The following MAGI2 variants were observed in gnomAD, a reference collection of about 807,000 sequenced individuals.
MAGI2 encodes the protein membrane associated guanylate kinase, WW and PDZ domain containing 2, also known as membrane-associated guanylate kinase, WW and PDZ domain-containing protein 2.
A neutral mutation model predicts 133.3 loss-of-function variants in MAGI2; 35 were observed. The ratio of observed to expected loss-of-function variants is 0.26; its 90% CI spans 0.20 to 0.35. The LOEUF (loss-of-function observed/expected upper bound fraction) is 0.35, where lower values mean the gene tolerates loss of function less well. Ranked by LOEUF, MAGI2 falls within the 10% of genes least tolerant of loss-of-function variation. The pLI is 1.00. For synonymous variants in MAGI2, 729 were observed against 710.6 expected (o/e 1.03, Z -0.41); for missense variants, 1,636 against 1,863.4 (o/e 0.88, Z 2.25).
intron 1 of MAGI2, among the ~76,000 whole-genome samples, chr7:79,021,760 A>G (rs1258196815): frequency 6.6e-6 from 1 of 152,004 alleles, no homozygotes; most frequent in African/African-American, 2.4e-5. Flanking sequence ...ATTTTGGGGG[A>G]CTGTTGGAAG....
chr7:78,403,156 C>G (rs573298973), intron 6 of MAGI2, among the ~76,000 whole-genome samples: 4 of 152,142 alleles, frequency 2.6e-5, no homozygotes, highest in Admixed American at 1.3e-4. Flanking sequence ...CTCCCTCCCC[C>G]CATCCCATGA....
At chr7:79,081,601 A>G (rs1009108934) in intron 1 of MAGI2, among the ~76,000 whole-genome samples, 8 of 152,172 alleles carry the variant, frequency 5.3e-5, no homozygotes, top group Admixed American at 3.9e-4. Flanking sequence ...TTGCTAGTCT[A>G]TGTTAACTAA....
rs1356490241 is a variant in MAGI2 at position 78,256,339 on chromosome 7, T to C, written c.1651A>G (p.Ile551Val). The change falls in exon 10 of 22, where the codon ATT (isoleucine) becomes GTT (valine). Residue 551 changes from isoleucine (I) to valine (V), a missense_variant. Physicochemically the swap from Ile to Val is conservative, Grantham distance 29. Transcript: ENST00000354212. ...GGAACTGACTGTGAGGTCCGAGAAATGTACTCCAAATATGTTTCATAGTTG... is the reference window on the plus strand; with the variant it reads ...GGAACTGACTGTGAGGTCCGAGAAACGTACTCCAAATATGTTTCATAGTTG... The part of the protein sequence containing the change: ...RHNYETYLEY[I>V]SRTSQSVPDI... The C allele has an allele frequency of 6.2e-7, 1 of 1,613,998 alleles. No individual in the cohort carries two copies.
At chr7:79,298,609 A>C (rs1837132262) in intron 1 of MAGI2, among the ~76,000 whole-genome samples, 3 of 152,170 alleles carry the variant, frequency 2.0e-5, no homozygotes, top group Admixed American at 1.3e-4. Context: ...AACTGAGTTA[A>C]GAGTTAGGGC....
rs7791941 is a variant in MAGI2 at position 78,161,144 on chromosome 7, T to C, written c.2597-871A>G. ...TTTCCATTTTTACAGTCCATCTTAA[T>C]ATAAAATACACCCTATTATCAACCA... On this transcript the variant is annotated intron_variant, in intron 15 of 21. Coordinates refer to ENST00000354212, the MANE Select transcript of MAGI2 (RefSeq NM_012301.4). Among the ~76,000 whole-genome samples, 156 of 152,282 alleles carry C rather than the reference T, an allele frequency of 1.0e-3. 1 individual carries two copies. The highest frequency in any genetic ancestry group is 3.6e-3 in the African/African-American group (151 of 41,554).
intron 1 of MAGI2, among the ~76,000 whole-genome samples, chr7:79,287,043 G>A (rs1312641942): frequency 2.0e-5 from 3 of 151,964 alleles, no homozygotes; most frequent in African/African-American, 7.2e-5. Context: ...CCTTAATCAT[G>A]GCTGGCAGAA....
chr7:78,809,214 A>G (rs73369408), intron 2 of MAGI2, among the ~76,000 whole-genome samples: 6,023 of 152,266 alleles, frequency 0.04, 296 homozygotes, highest in African/African-American at 0.11. Context: ...TACAGTTCAT[A>G]CAAACTATAC....
chr7:78,143,078 A>G (rs1290237889), intron 16 of MAGI2, among the ~76,000 whole-genome samples: 1 of 152,226 alleles, frequency 6.6e-6, no homozygotes, highest in African/African-American at 2.4e-5. Context: ...CCATTGCCCA[A>G]TAAAACCAGC....
At chr7:78,240,976 C>T (rs1029330517) in intron 10 of MAGI2, among the ~76,000 whole-genome samples, 7 of 152,000 alleles carry the variant, frequency 4.6e-5, no homozygotes, top group Non-Finnish European at 8.8e-5. Context: ...CTTTGTCTGA[C>T]CCTGTTTCTC....
At chr7:79,049,872 C>T (rs1812514250) in intron 1 of MAGI2, among the ~76,000 whole-genome samples, 1 of 151,910 alleles carries the variant, frequency 6.6e-6, no homozygotes, top group African/African-American at 2.4e-5. Context: ...ATTCCTTACT[C>T]ATATTTTACT....
chr7:78,458,667 C>T (rs1390572741), intron 6 of MAGI2, among the ~76,000 whole-genome samples: 2 of 148,872 alleles, frequency 1.3e-5, no homozygotes, highest in African/African-American at 5.0e-5. Flanking sequence ...CAGAGTCTCA[C>T]TCTGTTACCC....
At chr7:78,108,166 A>T (rs1818889235) in intron 20 of MAGI2, among the ~76,000 whole-genome samples, 1 of 151,954 alleles carries the variant, frequency 6.6e-6, no homozygotes, top group South Asian at 2.1e-4. Flanking sequence ...GTTTTAGAAT[A>T]CTGTGTTTCC....
chr7:78,063,261 A>C (rs917532745), intron 21 of MAGI2, among the ~76,000 whole-genome samples: 3 of 151,076 alleles, frequency 2.0e-5, no homozygotes, highest in African/African-American at 7.3e-5. Context: ...TTTTCTTTTG[A>C]GACAGGGTCC....
At chr7:78,547,294 G>A (rs1290200499) in intron 3 of MAGI2, among the ~76,000 whole-genome samples, 1 of 152,230 alleles carries the variant, frequency 6.6e-6, no homozygotes, top group African/African-American at 2.4e-5. Flanking sequence ...GATTCAGTGA[G>A]AGACAGCATT....
At chr7:78,533,659 T>C (rs756145541) in intron 3 of MAGI2, among the ~76,000 whole-genome samples, 11 of 152,168 alleles carry the variant, frequency 7.2e-5, no homozygotes, top group Non-Finnish European at 1.2e-4. Context: ...TAAATATAAA[T>C]TGCACACTAG....
intron 1 of MAGI2, among the ~76,000 whole-genome samples, chr7:79,165,941 T>C (rs549341454): frequency 2.6e-5 from 4 of 152,236 alleles, no homozygotes; most frequent in East Asian, 3.9e-4. Flanking sequence ...AACTCATTGT[T>C]TGACCAAAAT....
chr7:78,158,146 A>C (rs979933114), intron 16 of MAGI2: 1 of 152,134 alleles, frequency 6.6e-6, no homozygotes. Flanking sequence ...CCCCTATCCC[A>C]CATGTGCTAG....
chr7:78,371,518 T>C (rs1357769875), intron 6 of MAGI2, among the ~76,000 whole-genome samples: 2 of 151,990 alleles, frequency 1.3e-5, no homozygotes, highest in Non-Finnish European at 2.9e-5. Context: ...AAGCATTTCA[T>C]GGTCAAAGTT....
At chr7:79,422,653 G>A (rs562027525) in intron 1 of MAGI2, among the ~76,000 whole-genome samples, 134 of 151,848 alleles carry the variant, frequency 8.8e-4, no homozygotes, top group Non-Finnish European at 1.2e-3. Context: ...TTTTTGTTTG[G>A]TATTTTTTTT....
Sources: allele counts gnomAD v4.1 joint callset (sites outside exome capture counted in the v4.1 genomes callset), GRCh38; gene constraint gnomAD v4.1.1; transcripts MANE v1.5; gene names NCBI Gene and HGNC (gene_info 2026-07-23, HGNC 2026-07-21).